Variants in ZSWIM6 observed in about 807,000 individuals in gnomAD.
ZSWIM6 encodes the protein zinc finger SWIM domain-containing protein 6.
Under a neutral mutation model 113.2 loss-of-function variants are expected in ZSWIM6, and 9 were observed. The observed-to-expected ratio is 0.08, with a 90% confidence interval of 0.05 to 0.14. The LOEUF (loss-of-function observed/expected upper bound fraction) is 0.14, where lower values mean the gene tolerates loss of function less well. ZSWIM6 is among the 10% of genes least tolerant of loss of function. ZSWIM6 has a pLI of 1.00. For missense variants in ZSWIM6, 1,162 were observed against 1,552.2 expected, an observed-to-expected ratio of 0.75 and a Z score of 4.22; for synonymous variants, 611 against 606.5, an observed-to-expected ratio of 1.01 and a Z score of -0.11.
At chr5:61,473,749 A>G (rs1747638927) in intron 2 of ZSWIM6, among the ~76,000 whole-genome samples, 1 of 152,210 alleles carries the variant, frequency 6.6e-6, no homozygotes, top group South Asian at 2.1e-4. Flanking sequence ...ACATTTGGAC[A>G]TAATTTTAAA....
At chr5:61,341,834 TAA>T (rs1744554559) in intron 1 of ZSWIM6, among the ~76,000 whole-genome samples, 3 of 150,278 alleles carry the variant, frequency 2.0e-5, no homozygotes, top group African/African-American at 7.3e-5. Flanking sequence ...TTCTTTCACA[TAA>T]ATGATGTGGT....
chr5:61,358,220 A>G (rs1029649632), intron 1 of ZSWIM6, among the ~76,000 whole-genome samples: 1 of 152,212 alleles, frequency 6.6e-6, no homozygotes, highest in African/African-American at 2.4e-5. Context: ...AACAAGGAAA[A>G]TGCAGCTTGT....
At chr5:61,369,760 A>G (rs991979760) in intron 1 of ZSWIM6, among the ~76,000 whole-genome samples, 1 of 152,178 alleles carries the variant, frequency 6.6e-6, no homozygotes, top group African/African-American at 2.4e-5. Flanking sequence ...AATAAAATGC[A>G]TCCCTGCCAT....
chr5:61,451,874 A>G (rs1233315728), intron 1 of ZSWIM6, among the ~76,000 whole-genome samples: 1 of 152,188 alleles, frequency 6.6e-6, no homozygotes, highest in Non-Finnish European at 1.5e-5. Flanking sequence ...ATGTGCTATA[A>G]GTTAAAAGGT....
intron 7 of ZSWIM6, among the ~76,000 whole-genome samples, chr5:61,528,880 G>A (rs951033729): frequency 6.6e-6 from 1 of 152,152 alleles, no homozygotes; most frequent in African/African-American, 2.4e-5. Context: ...GAGCCACCAC[G>A]CTGGCCTGTC....
At chr5:61,396,599 G>A (rs78310572) in intron 1 of ZSWIM6, among the ~76,000 whole-genome samples, 2 of 151,352 alleles carry the variant, frequency 1.3e-5, no homozygotes, top group East Asian at 3.9e-4. Context: ...TATTTAACTT[G>A]GAAATTCTGA....
intron 1 of ZSWIM6, among the ~76,000 whole-genome samples, chr5:61,363,279 C>T (rs956118012): frequency 1.3e-5 from 2 of 152,294 alleles, no homozygotes; most frequent in Non-Finnish European, 2.9e-5. Context: ...TACATCAACT[C>T]GTGGAAAGTG....
chr5:61,423,485 C>T (rs1227845511), intron 1 of ZSWIM6, among the ~76,000 whole-genome samples: 1 of 151,318 alleles, frequency 6.6e-6, no homozygotes, highest in Non-Finnish European at 1.5e-5. Flanking sequence ...TGTTGTTGGT[C>T]ACTGATAATT....
At chr5:61,343,498 A>G (rs1296393264) in intron 1 of ZSWIM6, among the ~76,000 whole-genome samples, 1 of 152,240 alleles carries the variant, frequency 6.6e-6, no homozygotes, top group African/African-American at 2.4e-5. Flanking sequence ...AGAATTTTGT[A>G]TACGCCAGGT....
chr5:61,358,992 G>A (rs1744977513), intron 1 of ZSWIM6, among the ~76,000 whole-genome samples: 1 of 152,186 alleles, frequency 6.6e-6, no homozygotes, highest in Non-Finnish European at 1.5e-5. Flanking sequence ...GGGAAGCTCT[G>A]CTGTATAGAG....
chr5:61,510,883 C>T (rs1252381116), intron 4 of ZSWIM6, among the ~76,000 whole-genome samples: 1 of 152,104 alleles, frequency 6.6e-6, no homozygotes, highest in Admixed American at 6.6e-5. Flanking sequence ...AGCCTTCTGT[C>T]CTGGTTTGGG....
intron 1 of ZSWIM6, among the ~76,000 whole-genome samples, chr5:61,444,713 A>G (rs1363245592): frequency 6.6e-6 from 1 of 152,212 alleles, no homozygotes; most frequent in Non-Finnish European, 1.5e-5. Flanking sequence ...ATTTATAGAA[A>G]AACTTTTTAA....
chr5:61,519,825 G>A (rs953084849), intron 4 of ZSWIM6, among the ~76,000 whole-genome samples: 1 of 152,148 alleles, frequency 6.6e-6, no homozygotes, highest in African/African-American at 2.4e-5. Context: ...GATGGGGGGT[G>A]GGAGAGGATG....
At chr5:61,494,148 A>ACT in intron 3 of ZSWIM6, 112 bp from the exon 4 acceptor site, 1 of 702,214 alleles carries the variant, frequency 1.4e-6, no homozygotes, top group Non-Finnish European at 2.1e-6. Flanking sequence ...ACACACACGG[A>ACT]GAGAGAGAGA....
At chr5:61,495,928 G>C (rs1748303020) in intron 4 of ZSWIM6, among the ~76,000 whole-genome samples, 2 of 151,748 alleles carry the variant, frequency 1.3e-5, no homozygotes, top group African/African-American at 2.4e-5. Flanking sequence ...GAGAGACTTA[G>C]AATTACAAAC....
intron 1 of ZSWIM6, among the ~76,000 whole-genome samples, chr5:61,359,280 AT>A (rs892504506): frequency 6.6e-6 from 1 of 152,126 alleles, no homozygotes; most frequent in African/African-American, 2.4e-5. Context: ...GGAGACAGGT[AT>A]AGTGAGAACT....
At chr5:61,374,368 C>T (rs982104278) in intron 1 of ZSWIM6, among the ~76,000 whole-genome samples, 1 of 151,996 alleles carries the variant, frequency 6.6e-6, no homozygotes, top group East Asian at 1.9e-4. Context: ...TTTTGGCGTT[C>T]ATACATTTTT....
intron 1 of ZSWIM6, among the ~76,000 whole-genome samples, chr5:61,351,770 C>A (rs1744790260): frequency 6.6e-6 from 1 of 152,126 alleles, no homozygotes; most frequent in South Asian, 2.1e-4. Context: ...GCATTTCCCC[C>A]CTTTCTGACC....
At position 61,544,051 on chromosome 5, in the gene ZSWIM6, G is replaced by A. The variant is rs533790571; in HGVS notation, c.3382G>A (p.Gly1128Ser). The A allele has an allele frequency of 1.8e-5, 28 of 1,552,060 alleles. No individual in the cohort carries two copies. In the South Asian group the frequency reaches 3.0e-4, roughly 16 times the overall value. Residue 1128 changes from glycine (G) to serine (S), a missense_variant, in exon 14 of 14, where the codon GGT (glycine) becomes AGT (serine). Around this residue, in one of 4 missense-constraint regions of ZSWIM6, gnomAD observed 113 missense variants for 213.8 expected, o/e 0.53. Coordinates refer to ENST00000252744, the MANE Select transcript of ZSWIM6 (RefSeq NM_020928.2). ...MVGLHGRRNS[G>S]KLMSLDKAPL... is the part of the protein sequence containing the mutation. Reference sequence around the variant, plus strand: ...GGGACTTCATGGGAGGAGGAACTCTGGTAAGCTCATGTCACTGGACAAAGC... The same window carrying A: ...GGGACTTCATGGGAGGAGGAACTCTAGTAAGCTCATGTCACTGGACAAAGC...
Sources: gnomAD v4.1 joint callset for allele counts (sites outside exome capture counted in the v4.1 genomes callset) on GRCh38, gnomAD v4.1.1 for gene constraint, gnomAD v4.1.1 regional missense constraint, MANE v1.5 for transcripts, NCBI Gene and HGNC (gene_info 2026-07-23, HGNC 2026-07-21) for gene names.